The following FHIT variants were observed in gnomAD, a reference collection of about 807,000 sequenced individuals.
The protein encoded by FHIT is fragile histidine triad diadenosine triphosphatase, also known as bis(5'-adenosyl)-triphosphatase.
Under a neutral mutation model 17.9 loss-of-function variants are expected in FHIT, and 19 were observed. The observed-to-expected ratio is 1.06, with a 90% CI of 0.74 to 1.56. The LOEUF (loss-of-function observed/expected upper bound fraction) is 1.56. Ranked by LOEUF, FHIT falls within the 40% of genes most tolerant of loss-of-function variation. The pLI, the probability that FHIT is intolerant of heterozygous loss-of-function variation, is 0.00. For missense variants in FHIT, 248 were observed against 189.2 expected (o/e 1.31, Z -1.82); for synonymous variants, 81 against 69.7 (o/e 1.16, Z -0.81).
chr3:60,867,983 T>G (rs78369282), intron 3 of FHIT, among the ~76,000 whole-genome samples: 1,564 of 152,286 alleles, frequency 0.01, 24 homozygotes, highest in African/African-American at 0.035. Flanking sequence ...TAGAGGTAGC[T>G]TATAAGTCAT....
intron 3 of FHIT, among the ~76,000 whole-genome samples, chr3:60,825,910 CAAAG>C (rs1307170223): frequency 4.6e-5 from 7 of 151,812 alleles, no homozygotes; most frequent in Non-Finnish European, 8.8e-5. Flanking sequence ...GTACAGGCAG[CAAAG>C]AAAGTGGAGG....
chr3:59,792,429 GA>G (rs1283522074), intron 8 of FHIT, among the ~76,000 whole-genome samples: 1 of 152,142 alleles, frequency 6.6e-6, no homozygotes, highest in Non-Finnish European at 1.5e-5. Context: ...ACTGTGATCT[GA>G]AAATTGTGAA....
intron 5 of FHIT, among the ~76,000 whole-genome samples, chr3:60,174,980 G>C (rs80348793): frequency 6.6e-6 from 1 of 152,104 alleles, no homozygotes; most frequent in Non-Finnish European, 1.5e-5. Flanking sequence ...TAGGTTGACT[G>C]TGTGAACGAA....
rs181092977 is a variant in FHIT at position 60,963,323 on chromosome 3, C to A, written c.-111+78724G>T. 3.9e-5 allele frequency among the ~76,000 whole-genome samples: 6 copies of A among 152,138 alleles called. No homozygotes were observed. In the East Asian group the frequency reaches 9.6e-4, roughly 24 times the overall value. On this transcript the variant is annotated intron_variant, in intron 3 of 9. Transcript: ENST00000492590. ...CATCTATTTGATTCTTCTCTCTTTT[C>A]TTCTTTATTAGTCTTGCTAGTGGTC...
rs576930187 is a variant in FHIT at position 60,795,504 on chromosome 3, T to C, written c.-18+26415A>G. Reference sequence around the variant, plus strand: ...GGTTCTTTTTCCTTTTTCCTTTGTTTTTTGTTTTTTTTTTTTTAAGACAGG... The same window carrying C: ...GGTTCTTTTTCCTTTTTCCTTTGTTCTTTGTTTTTTTTTTTTTAAGACAGG... On this transcript the variant is annotated intron_variant, in intron 4 of 9. Transcript: ENST00000492590. 2.5e-5 allele frequency among the ~76,000 whole-genome samples: 3 copies of C among 118,212 alleles called. No individual in the cohort carries two copies. The South Asian group carries it at 7.1e-4, about 28-fold the overall frequency. The allele number at this position is 118,212 out of a possible 152,430, so 77.6% of individuals were successfully genotyped here. A position where few individuals can be genotyped will look rare whatever the true frequency, so the allele number is the denominator to read the frequency against.
intron 5 of FHIT, among the ~76,000 whole-genome samples, chr3:60,470,033 T>TCTCTTCC (rs1553780520): frequency 6.9e-6 from 1 of 145,330 alleles, no homozygotes; most frequent in Non-Finnish European, 1.5e-5. Context: ...TCTCTCTGTC[T>TCTCTTCC]CTCTCCCCTC....
chr3:59,806,987 T>C (rs927747462), intron 8 of FHIT, among the ~76,000 whole-genome samples: 4 of 152,158 alleles, frequency 2.6e-5, no homozygotes, highest in Non-Finnish European at 5.9e-5. Context: ...ACCATTGCCA[T>C]ACTTCTGGAG....
At chr3:60,343,610 C>T (rs1710632103) in intron 5 of FHIT, among the ~76,000 whole-genome samples, 1 of 152,084 alleles carries the variant, frequency 6.6e-6, no homozygotes, top group African/African-American at 2.4e-5. Flanking sequence ...TGCCATCATG[C>T]CCTTTGAAAC....
chr3:60,761,039 C>G (rs981306779), intron 4 of FHIT, among the ~76,000 whole-genome samples: 6 of 151,920 alleles, frequency 3.9e-5, no homozygotes, highest in Non-Finnish European at 8.8e-5. Context: ...TAAATTATCC[C>G]CAGTATGTAA....
intron 5 of FHIT, among the ~76,000 whole-genome samples, chr3:60,385,404 A>C (rs1351065091): frequency 6.6e-6 from 1 of 152,236 alleles, no homozygotes; most frequent in Non-Finnish European, 1.5e-5. Flanking sequence ...AATCAAAAGC[A>C]GCCTTTGTGA....
intron 4 of FHIT, among the ~76,000 whole-genome samples, chr3:60,792,774 A>G (rs1700826759): frequency 6.6e-6 from 1 of 152,092 alleles, no homozygotes; most frequent in African/African-American, 2.4e-5. Flanking sequence ...TAAAGTAGGC[A>G]CAGTTCTTTA....
At chr3:59,993,982 A>G (rs1279547581) in intron 7 of FHIT, among the ~76,000 whole-genome samples, 1 of 152,086 alleles carries the variant, frequency 6.6e-6, no homozygotes, top group Non-Finnish European at 1.5e-5. Flanking sequence ...GATAAGTCCC[A>G]TACCTCCCTT....
intron 8 of FHIT, among the ~76,000 whole-genome samples, chr3:59,796,875 T>C (rs1388094413): frequency 1.3e-5 from 2 of 152,200 alleles, no homozygotes; most frequent in East Asian, 3.8e-4. Flanking sequence ...AAGTCATATA[T>C]TAATAGAAGC....
chr3:60,034,045 T>G (rs2106798666), intron 5 of FHIT, among the ~76,000 whole-genome samples: 1 of 152,332 alleles, frequency 6.6e-6, no homozygotes, highest in East Asian at 1.9e-4. Context: ...CTTACATGAT[T>G]GAGTACTTAT....
intron 8 of FHIT, among the ~76,000 whole-genome samples, chr3:59,903,342 T>G (rs1304699048): frequency 6.6e-6 from 1 of 152,172 alleles, no homozygotes; most frequent in African/African-American, 2.4e-5. Flanking sequence ...GATGAAATTA[T>G]TCTGGAATTA....
At chr3:59,802,240 A>G (rs1700024290) in intron 8 of FHIT, among the ~76,000 whole-genome samples, 1 of 152,054 alleles carries the variant, frequency 6.6e-6, no homozygotes, top group African/African-American at 2.4e-5. Context: ...AATTAACTGT[A>G]GCCAAAGCGT....
chr3:60,613,226 T>C (rs1229860351), intron 4 of FHIT, among the ~76,000 whole-genome samples: 2 of 152,154 alleles, frequency 1.3e-5, no homozygotes, highest in African/African-American at 4.8e-5. Context: ...CTGGCCAAAA[T>C]TTGTGGCATT....
chr3:61,229,540 TA>T (rs2040048872), intron 1 of FHIT, among the ~76,000 whole-genome samples: 1 of 152,186 alleles, frequency 6.6e-6, no homozygotes, highest in Non-Finnish European at 1.5e-5. Context: ...TAGCTAGCTG[TA>T]GTACCTTACT....
chr3:60,192,922 T>C (rs1179324135), intron 5 of FHIT, among the ~76,000 whole-genome samples: 1 of 152,224 alleles, frequency 6.6e-6, no homozygotes, highest in Non-Finnish European at 1.5e-5. Context: ...ACTGAAGTGA[T>C]TGGTCTGCCA....
Sources: gnomAD v4.1 joint callset for allele counts (sites outside exome capture counted in the v4.1 genomes callset) on GRCh38, gnomAD v4.1.1 for gene constraint, MANE v1.5 for transcripts, NCBI Gene and HGNC (gene_info 2026-07-23, HGNC 2026-07-21) for gene names.